Variants in GPM6A observed in about 807,000 individuals in gnomAD.
The protein encoded by GPM6A is glycoprotein M6A, also known as neuronal membrane glycoprotein M6-a.
GPM6A carries 7 observed loss-of-function variants against 32.1 expected under a neutral mutation model. The observed-to-expected ratio is 0.22, with a 90% CI of 0.12 to 0.41. GPM6A has a LOEUF of 0.41. Ranked by LOEUF, GPM6A falls within the 10% of genes least tolerant of loss-of-function variation. The pLI is 1.00. For missense variants in GPM6A, 235 were observed against 347.2 expected (o/e 0.68, Z 2.57); for synonymous variants, 130 against 123.4 (o/e 1.05, Z -0.35).
chr4:175,772,741 C>A lies in GPM6A; in HGVS notation c.37+39450G>T, dbSNP rs79495332. ...CCTTGTCTCTATTTATTACAATCAT[C>A]CATGGGCTTCCATACTTTTTCTACC... On this transcript the variant is annotated intron_variant, in intron 1 of 6. Transcript: ENST00000393658. Among the ~76,000 whole-genome samples the A allele has an allele frequency of 2.1e-3, 318 of 152,242 alleles. 2 individuals are homozygous for A. Among genetic ancestry groups the A allele is most frequent in the African/African-American group, 7.2e-3 (298 of 41,548 alleles).
At chr4:175,795,787 G>A (rs1734197646) in intron 1 of GPM6A, 1 of 152,148 alleles carries the variant, frequency 6.6e-6, no homozygotes, top group African/African-American at 2.4e-5. Context: ...ATAAGTAAAA[G>A]TACCGTGGCT....
intron 1 of GPM6A, among the ~76,000 whole-genome samples, chr4:175,809,885 C>A (rs1179967773): frequency 6.6e-6 from 1 of 152,082 alleles, no homozygotes. Context: ...TTTGCAAGGT[C>A]ATATGAGTAA....
At chr4:175,706,651 A>C (rs1197092324) in intron 1 of GPM6A, among the ~76,000 whole-genome samples, 1 of 152,180 alleles carries the variant, frequency 6.6e-6, no homozygotes, top group Non-Finnish European at 1.5e-5. Context: ...ATTCTGTCCC[A>C]TTAGTCTGTC....
chr4:175,760,552 G>A (rs999815500), intron 1 of GPM6A, among the ~76,000 whole-genome samples: 7 of 152,004 alleles, frequency 4.6e-5, no homozygotes, highest in African/African-American at 1.7e-4. Flanking sequence ...ATGTTTTAGA[G>A]GTTTAAGATA....
chr4:175,965,184 T>C (rs1740295886), intron 1 of GPM6A, among the ~76,000 whole-genome samples: 1 of 152,144 alleles, frequency 6.6e-6, no homozygotes, highest in African/African-American at 2.4e-5. Context: ...CACATCTTAA[T>C]AAATTTAAAA....
intron 3 of GPM6A, among the ~76,000 whole-genome samples, chr4:175,670,789 G>A (rs1317874034): frequency 1.3e-5 from 2 of 151,384 alleles, no homozygotes; most frequent in Non-Finnish European, 2.9e-5. Flanking sequence ...ACCAAGTTAT[G>A]CTTTCAAAGG....
chr4:175,773,685 G>T lies in GPM6A; in HGVS notation c.37+38506C>A, dbSNP rs145940447. On this transcript the variant is annotated intron_variant, in intron 1 of 6. Transcript: ENST00000393658. The stretch of plus-strand genomic sequence containing the variant: ...ATTATATGTTAACAATTTGAATGGG[G>T]AGAGAAAAGGATTGGCTATCACTGT... Among the ~76,000 whole-genome samples, 557 of 152,180 alleles carry T rather than the reference G, an allele frequency of 3.7e-3. 2 individuals carry two copies. The highest frequency in any genetic ancestry group is 0.012 in the African/African-American group (509 of 41,540).
chr4:175,980,350 C>G (rs906347823), intron 1 of GPM6A, among the ~76,000 whole-genome samples: 2 of 152,112 alleles, frequency 1.3e-5, no homozygotes, highest in African/African-American at 4.8e-5. Flanking sequence ...GAGTGAGACC[C>G]TGTCTCAAAA....
At chr4:175,793,671 C>T (rs977445068) in intron 1 of GPM6A, among the ~76,000 whole-genome samples, 2 of 152,224 alleles carry the variant, frequency 1.3e-5, no homozygotes, top group Admixed American at 6.5e-5. Context: ...CCACTGTACC[C>T]GGCCAAGATC....
intron 4 of GPM6A, among the ~76,000 whole-genome samples, chr4:175,645,013 T>A (rs1030325913): frequency 1.3e-5 from 2 of 151,936 alleles, no homozygotes; most frequent in African/African-American, 2.4e-5. Flanking sequence ...GGCAGGAGAA[T>A]CGCTTGAACC....
chr4:175,687,193 G>A (rs1399237497), intron 2 of GPM6A, among the ~76,000 whole-genome samples: 3 of 152,074 alleles, frequency 2.0e-5, no homozygotes, highest in African/African-American at 7.2e-5. Flanking sequence ...CAGAATATGG[G>A]ATTTACTCTC....
At chr4:175,705,269 A>G (rs1056793188) in intron 1 of GPM6A, among the ~76,000 whole-genome samples, 3 of 152,212 alleles carry the variant, frequency 2.0e-5, no homozygotes, top group Non-Finnish European at 2.9e-5. Flanking sequence ...AAACAGTATT[A>G]TTTAAATCTC....
At chr4:175,898,938 A>G (rs1474562377) in intron 1 of GPM6A, among the ~76,000 whole-genome samples, 2 of 152,204 alleles carry the variant, frequency 1.3e-5, no homozygotes, top group Non-Finnish European at 2.9e-5. Context: ...TACCGTTCTC[A>G]GTACTAGAGT....
chr4:175,762,885 A>G (rs555436446), intron 1 of GPM6A, among the ~76,000 whole-genome samples: 1 of 152,080 alleles, frequency 6.6e-6, no homozygotes, highest in African/African-American at 2.4e-5. Context: ...AACTAGATTG[A>G]CTCGTGGTTG....
intron 1 of GPM6A, among the ~76,000 whole-genome samples, chr4:175,863,401 C>T (rs1736631247): frequency 6.6e-6 from 1 of 152,016 alleles, no homozygotes; most frequent in Admixed American, 6.6e-5. Flanking sequence ...TGACACTGTA[C>T]ATATCAACAA....
intron 1 of GPM6A, among the ~76,000 whole-genome samples, chr4:175,726,723 A>G (rs907374012): frequency 2.0e-5 from 3 of 152,154 alleles, no homozygotes; most frequent in South Asian, 2.1e-4. Flanking sequence ...AACTTTTTAT[A>G]AAAGGTTCAT....
chr4:175,951,414 G>A (rs1301343263), intron 1 of GPM6A, among the ~76,000 whole-genome samples: 1 of 152,140 alleles, frequency 6.6e-6, no homozygotes, highest in Non-Finnish European at 1.5e-5. Flanking sequence ...TGAACAGACA[G>A]AAAAGGAAAG....
intron 1 of GPM6A, among the ~76,000 whole-genome samples, chr4:175,822,496 A>G (rs985002333): frequency 6.6e-5 from 10 of 152,334 alleles, no homozygotes; most frequent in Middle Eastern, 3.4e-3. Context: ...AAGTGATAGA[A>G]GTATATAACA....
intron 1 of GPM6A, among the ~76,000 whole-genome samples, chr4:175,903,932 G>T (rs1235484269): frequency 6.6e-6 from 1 of 152,098 alleles, no homozygotes; most frequent in African/African-American, 2.4e-5. Flanking sequence ...TGGGATCATT[G>T]TACTATAGTT....
Sources: gnomAD v4.1 joint callset for allele counts (sites outside exome capture counted in the v4.1 genomes callset) on GRCh38, gnomAD v4.1.1 for gene constraint, MANE v1.5 for transcripts, NCBI Gene and HGNC (gene_info 2026-07-23, HGNC 2026-07-21) for gene names.